Variants in MYH6 observed in about 807,000 individuals in gnomAD.
MYH6 encodes the protein myosin-6.
In MYH6, 126 loss-of-function variants were observed where a neutral mutation model predicts 223.2. That is an observed-to-expected ratio of 0.56 (90% CI 0.49 to 0.65). MYH6 has a LOEUF of 0.65. Among genes scored for constraint, MYH6 ranks in the 30% least tolerant of loss-of-function variants. The probability of loss-of-function intolerance (pLI) is 0.00; values close to 1 mark genes in which losing one functional copy is unlikely to be tolerated. For synonymous variants in MYH6, 978 were observed against 1,010.2 expected (o/e 0.97, Z 0.61); for missense variants, 2,040 against 2,536.4 (o/e 0.80, Z 4.20).
chr14:23,396,115 AAG>A (rs1183031800), intron 20 of MYH6, among the ~76,000 whole-genome samples, 167 bp downstream of exon 20: 1 of 123,474 alleles, frequency 8.1e-6, no homozygotes, highest in Non-Finnish European at 1.7e-5. Flanking sequence ...AAAAAAAAAA[AAG>A]AAGAAGAAGA....
At chr14:23,389,116 T>G in intron 28 of MYH6, 61 bp from the exon 29 acceptor site, 3 of 1,521,508 alleles carry the variant, frequency 2.0e-6, no homozygotes, top group Non-Finnish European at 2.6e-6. Context: ...TTCTCTAGAT[T>G]CTCTTCTTAT....
intron 10 of MYH6, 27 bp downstream of exon 10, chr14:23,403,321 T>A: frequency 3.2e-6 from 5 of 1,587,002 alleles, no homozygotes; most frequent in African/African-American, 1.3e-5. Flanking sequence ...GGGACAGCAG[T>A]GGGTGGGGGG....
intron 10 of MYH6, 67 bp from the exon 11 acceptor site, chr14:23,402,867 G>T: frequency 1.7e-6 from 1 of 598,826 alleles, no homozygotes; most frequent in Non-Finnish European, 3.0e-6. Flanking sequence ...GGCAGGTAGA[G>T]TTGGGAAAGG....
chr14:23,393,154 G>T (rs774476174), intron 23 of MYH6, 97 bp from the exon 24 acceptor site: 6 of 1,546,622 alleles, frequency 3.9e-6, no homozygotes, highest in Non-Finnish European at 4.4e-6. Flanking sequence ...AGTGGGATTG[G>T]AAGTCAAACC....
At chr14:23,393,119 T>C (rs1014421808) in intron 23 of MYH6, 62 bp from the exon 24 acceptor site, 79 of 1,606,444 alleles carry the variant, frequency 4.9e-5, no homozygotes, top group Non-Finnish European at 6.5e-5. Context: ...GTATGCTCTT[T>C]TGCCTCCTTC....
chr14:23,393,788 C>A lies in MYH6; in HGVS notation c.2806G>T (p.Ala936Ser), dbSNP rs141704264. ...ERLEDEEEMN[A>S]ELTAKKRKLE... ...TTGCGCTTCTTGGCAGTGAGCTCCG[C>A]GTTCATCTCCTCCTCATCCTCCAGC... Residue 936 changes from alanine (A) to serine (S), a missense_variant, in exon 22 of 39, where the codon GCG becomes TCG. Ala to Ser is a moderately conservative substitution (Grantham distance 99). Around this residue, in one of 4 missense-constraint regions of MYH6, gnomAD observed 1,203 missense variants for 1,400.2 expected, o/e 0.86. Transcript: ENST00000405093. 2,302 of 1,614,230 alleles carry A rather than the reference C, an allele frequency of 1.4e-3. 29 individuals are homozygous for A. The African/African-American group carries it at 0.024, about 17-fold the overall frequency.
At position 23,407,009 on chromosome 14, in the gene MYH6, C is replaced by T. The variant is rs372870074; in HGVS notation, c.201+14G>A. On this transcript the variant is annotated intron_variant, in intron 3 of 38. Coordinates refer to ENST00000405093, the MANE Select transcript of MYH6 (RefSeq NM_002471.4). This position sits in a 1 kb window ranked among gnomAD's most constrained non-coding sequence, Gnocchi z 5.6. ...ACCTCCTTCCCTTCTGCCCCGGCGC[C>T]ATGCCCTACTCACCTTCCCATTCTC... The T allele has an allele frequency of 1.2e-6, 2 of 1,613,484 alleles. No homozygotes were observed. The highest frequency in any genetic ancestry group is 1.7e-6 in the Non-Finnish European group (2 of 1,179,578).
At chr14:23,389,295 C>T in intron 28 of MYH6, 98 bp downstream of exon 28, 1 of 1,397,034 alleles carries the variant, frequency 7.2e-7, no homozygotes, top group South Asian at 1.2e-5. Context: ...CTTTCCCTTG[C>T]AGAGGACTCT....
chr14:23,397,274 G>A lies in MYH6; in HGVS notation c.1963-17C>T. 6.2e-7 allele frequency: 1 copy of A among 1,612,374 alleles called. No homozygotes were observed. Among genetic ancestry groups the A allele is most frequent in the South Asian group, 1.1e-5 (1 of 91,056 alleles). Reference sequence around the variant, plus strand: ...GAGATTTTCCTGGAGGCAGATGAAGGTGGGGAGTTAGGAGCCACAAGGACC... The same window carrying A: ...GAGATTTTCCTGGAGGCAGATGAAGATGGGGAGTTAGGAGCCACAAGGACC... On this transcript the variant is annotated splice_polypyrimidine_tract_variant and intron_variant, in intron 16 of 38. Transcript: ENST00000405093.
Position 23,388,147 on chromosome 14 carries a change from T to G in MYH6, c.4359+8A>C, listed in dbSNP as rs188675676. 2.8e-4 allele frequency: 446 copies of G among 1,612,252 alleles called. 2 individuals carry two copies. The East Asian group carries it at 9.1e-3, about 33-fold the overall frequency. On this transcript the variant is annotated splice_region_variant and intron_variant, in intron 30 of 38. Coordinates refer to ENST00000405093, the MANE Select transcript of MYH6 (RefSeq NM_002471.4). ...GCATGCTGGCTGCGGCCCCCGCCCA[T>G]GGTCCACCTTGTCAAAGTTTCTCTG...
intron 32 of MYH6, among the ~76,000 whole-genome samples, chr14:23,387,050 T>C (rs1443366781): frequency 1.3e-5 from 2 of 152,232 alleles, no homozygotes; most frequent in African/African-American, 2.4e-5. Context: ...ATAGCTAATA[T>C]ATATTAAGTG....
Position 23,400,803 on chromosome 14 carries a change from C to T in MYH6, c.1316G>A (p.Trp439Ter), listed in dbSNP as rs375729555. Reference protein sequence around the residue: ...AKAVYEKMFNWMVTRINATLE... With the variant: ...AKAVYEKMFN The stretch of plus-strand genomic sequence containing the variant: ...GGTGGCGTTGATGCGCGTCACCATC[C>T]AGTTGAACATCTTCTCATACACTGC... The change falls in exon 13 of 39, where the codon TGG becomes TAG. Residue 439 changes from tryptophan (W) to a stop codon, truncating the protein, a stop_gained. Transcript: ENST00000405093. LOFTEE classifies it high-confidence loss of function. 6 of 1,614,108 alleles carry T rather than the reference C, an allele frequency of 3.7e-6. No individual in the cohort carries two copies. The highest frequency in any genetic ancestry group is 1.3e-5 in the African/African-American group (1 of 74,936).
rs533303453 is a variant in MYH6 at position 23,390,360 on chromosome 14, C to T, written c.3429G>A (p.Arg1143=). Residue 1143 remains arginine (R), a synonymous_variant, in exon 26 of 39, where the codon CGG becomes CGA. Coordinates refer to ENST00000405093, the MANE Select transcript of MYH6 (RefSeq NM_002471.4). The stretch of plus-strand genomic sequence containing the variant: ...GCCGCTCGCTGATCTCCTCCAGCTC[C>T]CGAGACAGGTCTGAGCGCAGCTTCT... ...KVEKLRSDLS[R]ELEEISERLE... is the part of the protein sequence containing the mutation. 1 of 1,608,620 alleles carries T rather than the reference C, an allele frequency of 6.2e-7. No homozygotes were observed. The highest frequency in any genetic ancestry group is 1.1e-5 in the South Asian group (1 of 90,794).
intron 29 of MYH6, 171 bp downstream of exon 29, chr14:23,388,688 C>T: frequency 1.8e-6 from 2 of 1,135,992 alleles, no homozygotes; most frequent in Non-Finnish European, 2.7e-6. Context: ...TCAGGGCCAG[C>T]CAGAGTTCAC....
rs370709048 is a variant in MYH6 at position 23,402,558 on chromosome 14, G to A, written c.1047C>T (p.Gly349=). The A allele has an allele frequency of 4.5e-5, 73 of 1,613,664 alleles. No homozygotes were observed. The South Asian group carries it at 5.7e-4, about 13-fold the overall frequency. ...TGATGGCTCCCGTCAGCTTGTAGACGCCAGCTTTCTCCTCTGAAGTGAAGC... is the reference window on the plus strand; with the variant it reads ...TGATGGCTCCCGTCAGCTTGTAGACACCAGCTTTCTCCTCTGAAGTGAAGC... ...VLGFTSEEKA[G]VYKLTGAIMH... The change falls in exon 12 of 39, where the codon GGC becomes GGT. Residue 349 remains glycine, a synonymous_variant. Transcript: ENST00000405093.
intron 32 of MYH6, 25 bp from the exon 33 acceptor site, chr14:23,386,648 G>A: frequency 6.4e-7 from 1 of 1,556,332 alleles, no homozygotes; most frequent in Non-Finnish European, 8.8e-7. Context: ...GGCGAGGGCG[G>A]GCAGACAGGG....
Position 23,390,214 on chromosome 14 carries a change from G to A in MYH6, c.3575C>T (p.Ala1192Val), listed in dbSNP as rs765797952. The A allele has an allele frequency of 8.8e-6, 14 of 1,597,080 alleles. No individual in the cohort carries two copies. The highest frequency in any genetic ancestry group is 4.5e-5 in the East Asian group (2 of 44,500). ...EATLQHEATA[A>V]ALRKKHADSV... Reference sequence around the variant, plus strand: ...GTCGGCGTGCTTCTTGCGCAGGGCCGCGGCAGTGGCCTCGTGCTGCAGCGT... The same window carrying A: ...GTCGGCGTGCTTCTTGCGCAGGGCCACGGCAGTGGCCTCGTGCTGCAGCGT... The change falls in exon 26 of 39, where the codon GCG becomes GTG. Residue 1192 changes from alanine (A) to valine (V), a missense_variant. By Grantham distance (64) the Ala-to-Val change is moderately conservative (BLOSUM62 0). Around this residue, in one of 4 missense-constraint regions of MYH6, gnomAD observed 1,203 missense variants for 1,400.2 expected, o/e 0.86. Transcript: ENST00000405093.
rs1204990471 is a variant in MYH6, at chr14:23,400,026, T to G, written c.1581+230A>C. 7 of 639,044 alleles carry G rather than the reference T, an allele frequency of 1.1e-5. No homozygotes were observed. The East Asian group carries it at 2.0e-4, about 19-fold the overall frequency. 39.6% of individuals were successfully genotyped at this position (639,044 alleles called of 1,614,324 possible). On this transcript the variant is annotated intron_variant, in intron 14 of 38. Coordinates refer to ENST00000405093, the MANE Select transcript of MYH6 (RefSeq NM_002471.4). ...CCTCTCCTTCACTACATCTCACTCTTAAGACACTGAGGGGACCACCACAAA... is the reference window on the plus strand; with the variant it reads ...CCTCTCCTTCACTACATCTCACTCTGAAGACACTGAGGGGACCACCACAAA...
Position 23,394,334 on chromosome 14 carries a change from A to G in MYH6, c.2430-11T>C. 6.2e-7 allele frequency: 1 copy of G among 1,614,180 alleles called. No homozygotes were observed. The highest frequency in any genetic ancestry group is 1.3e-5 in the African/African-American group (1 of 75,070). On this transcript the variant is annotated splice_polypyrimidine_tract_variant and intron_variant, in intron 20 of 38. Coordinates refer to ENST00000405093, the MANE Select transcript of MYH6 (RefSeq NM_002471.4). ...ACCAGCAGGGCATCCCTGGCAAGGA[A>G]ACGTGGAGGCAGGGTGGGGCACTAT...
Sources: gnomAD v4.1 joint callset for allele counts (sites outside exome capture counted in the v4.1 genomes callset) on GRCh38, gnomAD v4.1.1 for gene constraint, gnomAD v4.1.1 regional missense constraint, Gnocchi (gnomAD v3.1) non-coding constraint, MANE v1.5 for transcripts, NCBI Gene and HGNC (gene_info 2026-07-23, HGNC 2026-07-21) for gene names.